The following PCBP3 variants were observed in gnomAD, a reference collection of about 807,000 sequenced individuals.
PCBP3 encodes poly(rC)-binding protein 3.
A neutral mutation model predicts 52.7 loss-of-function variants in PCBP3; 25 were observed. The observed-to-expected ratio is 0.47, with a 90% CI of 0.35 to 0.66. The LOEUF is 0.66. PCBP3 is among the 30% of genes least tolerant of loss of function. The probability of loss-of-function intolerance (pLI) is 0.01; values close to 1 mark genes in which losing one functional copy is unlikely to be tolerated. For missense variants in PCBP3, 391 were observed against 490.3 expected, an observed-to-expected ratio of 0.80 and a Z score of 1.91; for synonymous variants, 162 against 183.0, an observed-to-expected ratio of 0.89 and a Z score of 0.93.
At chr21:45,734,674 A>G (rs78407736) in intron 2 of PCBP3, among the ~76,000 whole-genome samples, 358 of 152,182 alleles carry the variant, frequency 2.4e-3, no homozygotes, top group African/African-American at 7.7e-3. Context: ...GGCTGCAGCA[A>G]TTGTAGGATG....
At chr21:45,806,162 C>T (rs560104711) in intron 4 of PCBP3, among the ~76,000 whole-genome samples, 9 of 152,326 alleles carry the variant, frequency 5.9e-5, no homozygotes, top group African/African-American at 1.7e-4. Flanking sequence ...CAAAGCCACC[C>T]GGCTGCAGAA....
chr21:45,865,873 C>T (rs774621827), intron 5 of PCBP3, among the ~76,000 whole-genome samples: 34 of 152,308 alleles, frequency 2.2e-4, no homozygotes, highest in Non-Finnish European at 2.6e-4. Context: ...CCCCCACAGC[C>T]GGAGCCTCCC....
intron 1 of PCBP3, among the ~76,000 whole-genome samples, chr21:45,646,056 TC>T (rs1450980652): frequency 3.9e-4 from 22 of 56,740 alleles, no homozygotes; most frequent in Admixed American, 1.5e-3. Flanking sequence ...CACCTGTTTC[TC>T]TCTCTCTCTC....
intron 1 of PCBP3, among the ~76,000 whole-genome samples, chr21:45,662,699 G>A (rs946115050): frequency 4.0e-5 from 6 of 151,660 alleles, no homozygotes; most frequent in African/African-American, 7.3e-5. Flanking sequence ...AGAAAAAACC[G>A]GGCCATACAG....
rs796364417 is a variant in PCBP3, at chr21:45,849,964, G to T, written c.-122G>T. The T allele has an allele frequency of 6.6e-6, 6 of 912,658 alleles. No individual in the cohort carries two copies. In the Admixed American group the frequency reaches 1.0e-4, roughly 15 times the overall value. The allele number at this position is 912,658 out of a possible 1,614,324, so 56.5% of individuals were successfully genotyped here. A position where few individuals can be genotyped will look rare whatever the true frequency, so the allele number is the denominator to read the frequency against. On this transcript the variant is annotated 5_prime_UTR_variant, in exon 5 of 18. Transcript: ENST00000681687. ...GCCCTGTGTTTTTGTGTTTTAGGTC[G>T]GTAGGCTCCACGACAAAAGTCAACC...
chr21:45,665,165 G>A (rs915154389), intron 1 of PCBP3, among the ~76,000 whole-genome samples: 1 of 152,038 alleles, frequency 6.6e-6, no homozygotes, highest in African/African-American at 2.4e-5. Flanking sequence ...ATTTTGGGAG[G>A]CCAAGGCAGG....
intron 2 of PCBP3, among the ~76,000 whole-genome samples, chr21:45,719,865 A>G (rs1185579599): frequency 1.3e-5 from 2 of 152,148 alleles, no homozygotes; most frequent in African/African-American, 4.8e-5. Flanking sequence ...TTGAACCTCT[A>G]TAGGCAAAAT....
intron 13 of PCBP3, among the ~76,000 whole-genome samples, chr21:45,923,069 T>C (rs1323053861): frequency 3.3e-5 from 5 of 152,244 alleles, no homozygotes; most frequent in Admixed American, 2.0e-4. Flanking sequence ...CGGGACTCTG[T>C]CGGTGCCACG....
intron 3 of PCBP3, chr21:45,750,905 T>TAC (rs2087424279): frequency 1.3e-5 from 2 of 151,946 alleles, no homozygotes; most frequent in Non-Finnish European, 2.9e-5. Context: ...TGTATATATA[T>TAC]ATATGCACAT....
chr21:45,676,044 C>T (rs1203237174), intron 2 of PCBP3, among the ~76,000 whole-genome samples: 2 of 152,152 alleles, frequency 1.3e-5, no homozygotes, highest in African/African-American at 4.8e-5. Flanking sequence ...GATGGAACTA[C>T]AATGATTGTT....
At chr21:45,855,652 C>T (rs546382145) in intron 5 of PCBP3, among the ~76,000 whole-genome samples, 5 of 152,376 alleles carry the variant, frequency 3.3e-5, no homozygotes, top group African/African-American at 9.6e-5. Context: ...ACCCCGCCAC[C>T]CTAGGTCTGT....
At chr21:45,665,907 A>C (rs181834564) in intron 1 of PCBP3, among the ~76,000 whole-genome samples, 1 of 152,366 alleles carries the variant, frequency 6.6e-6, no homozygotes, top group East Asian at 1.9e-4. Context: ...ACAACGTATC[A>C]AAAAGATAAT....
chr21:45,865,494 T>C (rs2094683278), intron 5 of PCBP3, among the ~76,000 whole-genome samples: 2 of 152,232 alleles, frequency 1.3e-5, no homozygotes, highest in South Asian at 4.1e-4. Context: ...AACAAGGTGA[T>C]GTCCCCTTTG....
Position 45,737,177 on chromosome 21 carries a change from C to T in PCBP3, c.-162+1748C>T, listed in dbSNP as rs528276959. On this transcript the variant is annotated intron_variant, in intron 3 of 17. Transcript: ENST00000681687. The surrounding 1 kb of genome is among the most constrained non-coding windows in gnomAD (Gnocchi z 4.9). Reference sequence around the variant, plus strand: ...CACATCAGGGGTCTCACAGGTCATCCCGAGGCTGCTCTCAGTCCACGTGGC... The same window carrying T: ...CACATCAGGGGTCTCACAGGTCATCTCGAGGCTGCTCTCAGTCCACGTGGC... 1.3e-5 allele frequency among the ~76,000 whole-genome samples: 2 copies of T among 152,082 alleles called. No individual in the cohort carries two copies. The highest frequency in any genetic ancestry group is 4.8e-5 in the African/African-American group (2 of 41,478).
At chr21:45,669,803 G>T (rs200431161) in intron 2 of PCBP3, among the ~76,000 whole-genome samples, 1 of 54,406 alleles carries the variant, frequency 1.8e-5, no homozygotes. Context: ...GTGTGTGTGT[G>T]TGTATATATA....
intron 15 of PCBP3, among the ~76,000 whole-genome samples, chr21:45,933,034 C>T (rs1420077649): frequency 6.6e-6 from 1 of 151,450 alleles, no homozygotes; most frequent in Non-Finnish European, 1.5e-5. Context: ...TGAATGAACA[C>T]ATCAGCCATG....
At chr21:45,815,870 C>G (rs1256765751) in intron 4 of PCBP3, among the ~76,000 whole-genome samples, 414 of 30,468 alleles carry the variant, frequency 0.014, no homozygotes, top group Admixed American at 0.019. Context: ...AGTGGTGAGT[C>G]AGTGGTGAGT....
chr21:45,926,073 A>T (rs2075363571), intron 13 of PCBP3, among the ~76,000 whole-genome samples: 1 of 152,252 alleles, frequency 6.6e-6, no homozygotes, highest in Admixed American at 6.5e-5. Context: ...TTGGAATCGT[A>T]TCGACCACAC....
intron 2 of PCBP3, among the ~76,000 whole-genome samples, chr21:45,733,019 G>T (rs1465382764): frequency 6.6e-6 from 1 of 152,024 alleles, no homozygotes; most frequent in Non-Finnish European, 1.5e-5. Flanking sequence ...TTTGTCTTTT[G>T]GGAGTAGAGA....
Sources: gnomAD v4.1 joint callset for allele counts (sites outside exome capture counted in the v4.1 genomes callset) on GRCh38, gnomAD v4.1.1 for gene constraint, Gnocchi (gnomAD v3.1) non-coding constraint, MANE v1.5 for transcripts, NCBI Gene and HGNC (gene_info 2026-07-23, HGNC 2026-07-21) for gene names.